Variants in IQSEC3 observed in about 807,000 individuals in gnomAD.
IQSEC3 encodes IQ motif and Sec7 domain ArfGEF 3.
A neutral mutation model predicts 105.4 loss-of-function variants in IQSEC3; 50 were observed. The observed-to-expected ratio is 0.47, with a 90% CI of 0.38 to 0.60. The LOEUF is 0.60. Among genes scored for constraint, IQSEC3 ranks in the 20% least tolerant of loss-of-function variants. The pLI, the probability that IQSEC3 is intolerant of heterozygous loss-of-function variation, is 0.00. For synonymous variants in IQSEC3, 708 were observed against 746.0 expected (o/e 0.95, Z 0.83); for missense variants, 1,415 against 1,630.0 (o/e 0.87, Z 2.27).
At chr12:104,410 T>C (rs370854656) in intron 2 of IQSEC3, among the ~76,000 whole-genome samples, 1 of 152,232 alleles carries the variant, frequency 6.6e-6, no homozygotes, top group East Asian at 1.9e-4. Flanking sequence ...ACGCTAGTTG[T>C]TGGAAATGTG....
chr12:166,858 A>G (rs1351884109), intron 11 of IQSEC3: 1 of 152,014 alleles, frequency 6.6e-6, no homozygotes, highest in Non-Finnish European at 1.5e-5. Flanking sequence ...CCTCACAGTG[A>G]CGCTGCAAGG....
chr12:100,879 G>A (rs764930954), intron 2 of IQSEC3, among the ~76,000 whole-genome samples: 1 of 152,166 alleles, frequency 6.6e-6, no homozygotes, highest in South Asian at 2.1e-4. Flanking sequence ...ACACCAGGAT[G>A]TTGTAGAGGA....
intron 5 of IQSEC3, among the ~76,000 whole-genome samples, chr12:147,191 G>T (rs1463646392): frequency 6.6e-6 from 1 of 152,134 alleles, no homozygotes; most frequent in Non-Finnish European, 1.5e-5. Context: ...CTCGGACGTG[G>T]GCCTTCTAGA....
At chr12:78,238 C>T (rs1381969241) in intron 1 of IQSEC3, among the ~76,000 whole-genome samples, 1 of 151,712 alleles carries the variant, frequency 6.6e-6, no homozygotes, top group East Asian at 1.9e-4. Flanking sequence ...GGGGCTTCGG[C>T]GCTGCGGCAC....
At chr12:134,669 G>A (rs1226283469) in intron 3 of IQSEC3, among the ~76,000 whole-genome samples, 9 of 151,714 alleles carry the variant, frequency 5.9e-5, no homozygotes, top group South Asian at 2.1e-4. Flanking sequence ...CAAGGTGGGC[G>A]GATCACCGAG....
At chr12:165,565 A>ACAGCCAGT (rs782340363) in intron 10 of IQSEC3, 32 bp downstream of exon 10, 38 of 1,597,858 alleles carry the variant, frequency 2.4e-5, no homozygotes, top group Non-Finnish European at 3.2e-5. Flanking sequence ...TAAGTCTTTG[A>ACAGCCAGT]GAAGGAATGA....
chr12:163,496 G>A lies in IQSEC3; in HGVS notation c.2586G>A (p.Val862=). 1 of 1,605,158 alleles carries A rather than the reference G, an allele frequency of 6.2e-7. No individual in the cohort carries two copies. ...CTGAGCGCCCTGCCCGCGTGCAGGT[G>A]CTGTCCGTGCCCCACCGCCGCCTGG... The part of the protein sequence containing the change: ...VEKSIVGMKT[V]LSVPHRRLVC... Residue 862 remains valine, a splice_region_variant and synonymous_variant, in exon 9 of 14, where the codon GTG becomes GTA. Coordinates refer to ENST00000538872, the MANE Select transcript of IQSEC3 (RefSeq NM_001170738.2).
intron 3 of IQSEC3, among the ~76,000 whole-genome samples, chr12:129,183 T>C (rs1865510759): frequency 6.6e-6 from 1 of 152,180 alleles, no homozygotes; most frequent in Non-Finnish European, 1.5e-5. Flanking sequence ...ACCATGTTGT[T>C]CTCAGGGCTG....
chr12:139,376 G>GC, intron 4 of IQSEC3, 22 bp downstream of exon 4: 1 of 1,515,588 alleles, frequency 6.6e-7, no homozygotes. Context: ...CCGGCCCCCA[G>GC]CCCGGAGTCC....
At chr12:137,637 A>C (rs1167988165) in intron 3 of IQSEC3, 4 of 151,344 alleles carry the variant, frequency 2.6e-5, no homozygotes, top group Non-Finnish European at 5.9e-5. Context: ...ACTTAAAAAA[A>C]AAAAAAAAAA....
Position 104,184 on chromosome 12 carries a change from A to G in IQSEC3, c.623+4970A>G, listed in dbSNP as rs77893493. 5.5e-3 allele frequency among the ~76,000 whole-genome samples: 842 copies of G among 152,254 alleles called. 10 individuals carry two copies. The highest frequency in any genetic ancestry group is 0.018 in the African/African-American group (765 of 41,510). On this transcript the variant is annotated intron_variant, in intron 2 of 13. Coordinates refer to ENST00000538872, the MANE Select transcript of IQSEC3 (RefSeq NM_001170738.2). ...AGATAGATGTTATTCCCATTTACAGATAAGGAATCCAGGATGGAGAGAAGT... is the reference window on the plus strand; with the variant it reads ...AGATAGATGTTATTCCCATTTACAGGTAAGGAATCCAGGATGGAGAGAAGT...
chr12:151,633 C>T (rs1866515336), intron 5 of IQSEC3, among the ~76,000 whole-genome samples: 1 of 152,178 alleles, frequency 6.6e-6, no homozygotes, highest in Non-Finnish European at 1.5e-5. Context: ...CTGATCATAC[C>T]CTCTATTGTG....
chr12:131,264 G>A (rs969354172), intron 3 of IQSEC3, among the ~76,000 whole-genome samples: 4 of 152,208 alleles, frequency 2.6e-5, no homozygotes, highest in African/African-American at 7.2e-5. Flanking sequence ...GGCAGGGGGC[G>A]AGGCCATCAT....
intron 13 of IQSEC3, among the ~76,000 whole-genome samples, chr12:171,742 G>T (rs1426011541): frequency 1.3e-5 from 2 of 152,194 alleles, no homozygotes; most frequent in African/African-American, 4.8e-5. Flanking sequence ...CTGGAAAGCT[G>T]GCCATGGCGC....
chr12:111,295 G>A (rs1467900806), intron 2 of IQSEC3, among the ~76,000 whole-genome samples: 1 of 152,178 alleles, frequency 6.6e-6, no homozygotes, highest in Non-Finnish European at 1.5e-5. Context: ...AAGACCAAAG[G>A]TTGACGAATG....
chr12:111,274 A>G (rs113789310), intron 2 of IQSEC3, among the ~76,000 whole-genome samples: 5,234 of 152,298 alleles, frequency 0.034, 241 homozygotes, highest in African/African-American at 0.11. Flanking sequence ...TCTGAGCCAA[A>G]CTCAGGCCAA....
intron 1 of IQSEC3, among the ~76,000 whole-genome samples, chr12:71,697 G>T (rs1212955307): frequency 3.3e-5 from 5 of 152,268 alleles, no homozygotes; most frequent in Non-Finnish European, 7.3e-5. Context: ...TACCCATGAG[G>T]CCAAACCCTA....
chr12:163,634 C>G lies in IQSEC3; in HGVS notation c.2709+15C>G. The G allele has an allele frequency of 7.3e-7, 1 of 1,373,098 alleles. No homozygotes were observed. Among genetic ancestry groups the G allele is most frequent in the Non-Finnish European group, 1.0e-6 (1 of 961,782 alleles). 85.1% of individuals were successfully genotyped at this position (1,373,098 alleles called of 1,614,324 possible). On this transcript the variant is annotated intron_variant, in intron 9 of 13. Coordinates refer to ENST00000538872, the MANE Select transcript of IQSEC3 (RefSeq NM_001170738.2). ...ACCTGCTGGTGGTGAGTGGCCTCCGCTCCGGGACTGGGCTGGGCTGGGGCT... is the reference window on the plus strand; with the variant it reads ...ACCTGCTGGTGGTGAGTGGCCTCCGGTCCGGGACTGGGCTGGGCTGGGGCT...
chr12:99,093 G>A (rs1274773084), intron 1 of IQSEC3, 53 bp from the exon 2 acceptor site: 140 of 1,516,818 alleles, frequency 9.2e-5, no homozygotes, highest in Non-Finnish European at 1.2e-4. Context: ...GTCAGGCAGG[G>A]CGGGGACCCA....
Sources: gnomAD v4.1 joint callset for allele counts (sites outside exome capture counted in the v4.1 genomes callset) on GRCh38, gnomAD v4.1.1 for gene constraint, MANE v1.5 for transcripts, NCBI Gene and HGNC (gene_info 2026-07-23, HGNC 2026-07-21) for gene names.